Variants in MMP16 observed in about 807,000 individuals in gnomAD.
MMP16 encodes matrix metallopeptidase 16, also known as matrix metalloproteinase-16.
MMP16 carries 12 observed loss-of-function variants against 67.8 expected under a neutral mutation model. The ratio of observed to expected loss-of-function variants is 0.18; its 90% confidence interval spans 0.11 to 0.29. MMP16 has a LOEUF of 0.29. Ranked by LOEUF, MMP16 falls within the 10% of genes least tolerant of loss-of-function variation. The pLI, the probability that MMP16 is intolerant of heterozygous loss-of-function variation, is 1.00. For missense variants in MMP16, 475 were observed against 765.7 expected (o/e 0.62, Z 4.48); for synonymous variants, 249 against 255.9 (o/e 0.97, Z 0.26).
At chr8:88,289,643 C>T (rs1586001833) in intron 1 of MMP16, among the ~76,000 whole-genome samples, 2 of 151,146 alleles carry the variant, frequency 1.3e-5, no homozygotes, top group South Asian at 4.2e-4. Flanking sequence ...TGTACAGTTG[C>T]CGTGTACTCT....
At chr8:88,187,913 C>T (rs780360080) in intron 2 of MMP16, among the ~76,000 whole-genome samples, 5 of 152,164 alleles carry the variant, frequency 3.3e-5, no homozygotes, top group South Asian at 2.1e-4. Context: ...TTAAAGTCCA[C>T]GAATTAAAAA....
chr8:88,205,593 T>C (rs548097354), intron 1 of MMP16, among the ~76,000 whole-genome samples: 16 of 152,320 alleles, frequency 1.1e-4, no homozygotes, highest in African/African-American at 3.6e-4. Context: ...TGCTAGAGTA[T>C]TTCACTTACG....
At chr8:88,221,214 G>A (rs1809677225) in intron 1 of MMP16, among the ~76,000 whole-genome samples, 1 of 152,070 alleles carries the variant, frequency 6.6e-6, no homozygotes, top group African/African-American at 2.4e-5. Flanking sequence ...GTCCTAGACA[G>A]CCAGGCAGGT....
chr8:88,225,218 C>T (rs770469537), intron 1 of MMP16, among the ~76,000 whole-genome samples: 15 of 151,954 alleles, frequency 9.9e-5, no homozygotes, highest in Non-Finnish European at 1.9e-4. Context: ...TAAAAATGCA[C>T]TAAGAGAAAA....
intron 4 of MMP16, among the ~76,000 whole-genome samples, chr8:88,120,205 G>A (rs1807798400): frequency 6.6e-6 from 1 of 151,936 alleles, no homozygotes; most frequent in Admixed American, 6.6e-5. Flanking sequence ...ACAGAAGGAA[G>A]GAGGAAGTTA....
rs1019548153 is a variant in MMP16 at position 88,168,042 on chromosome 8, T to C, written c.405-69A>G. ...CTAACTTAGTACAGGTTTTGATCGA[T>C]TCAGTTAAGTAAAATATTAGAGAAA... is the stretch of plus-strand genomic sequence containing the variant. On this transcript the variant is annotated intron_variant, in intron 3 of 9. Transcript: ENST00000286614. 55 of 1,170,046 alleles carry C rather than the reference T, an allele frequency of 4.7e-5. 1 individual carries two copies. Among genetic ancestry groups the C allele is most frequent in the African/African-American group, 2.5e-4 (16 of 64,078 alleles). 72.5% of individuals were successfully genotyped at this position (1,170,046 alleles called of 1,614,324 possible).
Position 88,041,199 on chromosome 8 carries a change from C to T in MMP16, c.*262G>A. On this transcript the variant is annotated 3_prime_UTR_variant, in exon 10 of 10. Coordinates refer to ENST00000286614, the MANE Select transcript of MMP16 (RefSeq NM_005941.5). The surrounding 1 kb of genome is among the most constrained non-coding windows in gnomAD (Gnocchi z 6.0). ...TCCTGAAATTTTACTGGGCATTGAG[C>T]GTGCAGAGGAAAGGCCTAGAACTGA... The T allele has an allele frequency of 1.2e-5, 4 of 345,128 alleles. 1 individual carries two copies. Among genetic ancestry groups the T allele is most frequent in the South Asian group, 2.3e-4 (2 of 8,742 alleles). The allele number at this position is 345,128 out of a possible 1,614,324, so 21.4% of individuals were successfully genotyped here.
chr8:88,161,487 T>C (rs947316166), intron 4 of MMP16, among the ~76,000 whole-genome samples: 2 of 152,066 alleles, frequency 1.3e-5, no homozygotes, highest in African/African-American at 4.8e-5. Flanking sequence ...TTTGTTGATC[T>C]TTTCAAAAAA....
Position 88,189,434 on chromosome 8 carries a change from C to T in MMP16, c.282-2836G>A, listed in dbSNP as rs571484149. 2.6e-5 allele frequency among the ~76,000 whole-genome samples: 4 copies of T among 152,222 alleles called. No homozygotes were observed. In the South Asian group the frequency reaches 8.3e-4, roughly 32 times the overall value. ...GCCCACACTAGATATCCAGGTATAACCCTCCACTACTCTTTCCTCACATCC... is the reference window on the plus strand; with the variant it reads ...GCCCACACTAGATATCCAGGTATAATCCTCCACTACTCTTTCCTCACATCC... On this transcript the variant is annotated intron_variant, in intron 2 of 9. Transcript: ENST00000286614.
chr8:88,266,696 T>C (rs912867363), intron 1 of MMP16, among the ~76,000 whole-genome samples: 2 of 152,014 alleles, frequency 1.3e-5, no homozygotes, highest in Middle Eastern at 3.2e-3. Context: ...ATCTTCTTAG[T>C]AGCTTGTAAA....
chr8:88,183,593 G>A (rs1809017569), intron 3 of MMP16, among the ~76,000 whole-genome samples: 2 of 151,994 alleles, frequency 1.3e-5, no homozygotes, highest in African/African-American at 2.4e-5. Context: ...TAGAGGAGAG[G>A]TAGCAGATAC....
intron 4 of MMP16, among the ~76,000 whole-genome samples, chr8:88,128,597 G>C (rs1807974512): frequency 6.6e-6 from 1 of 151,676 alleles, no homozygotes; most frequent in Non-Finnish European, 1.5e-5. Context: ...TCTTTCTCTG[G>C]GATTTGGGAG....
At chr8:88,070,680 T>C (rs1808538099) in intron 7 of MMP16, among the ~76,000 whole-genome samples, 1 of 152,116 alleles carries the variant, frequency 6.6e-6, no homozygotes, top group African/African-American at 2.4e-5. Flanking sequence ...TCTTCTGAGC[T>C]CTGCCTTGGT....
At position 88,168,733 on chromosome 8, in the gene MMP16, A is replaced by AT. The variant is rs993404150; in HGVS notation, c.405-761dup. Among the ~76,000 whole-genome samples the AT allele has an allele frequency of 1.0e-3, 152 of 152,244 alleles. 2 individuals are homozygous for AT. The highest frequency in any genetic ancestry group is 3.4e-3 in the African/African-American group (143 of 41,558). ...CAACAAAAATGGAACTAGTATTTGT[A>AT]TTTTTTTATATTATAGCACTATAAA... On this transcript the variant is annotated intron_variant, in intron 3 of 9. Coordinates refer to ENST00000286614, the MANE Select transcript of MMP16 (RefSeq NM_005941.5).
intron 4 of MMP16, among the ~76,000 whole-genome samples, chr8:88,144,479 T>C (rs1808260250): frequency 6.6e-6 from 1 of 151,728 alleles, no homozygotes; most frequent in South Asian, 2.1e-4. Context: ...ATAATGTATA[T>C]TATGAAGGGA....
chr8:88,228,233 T>C (rs1320127335), intron 1 of MMP16, among the ~76,000 whole-genome samples: 3 of 152,132 alleles, frequency 2.0e-5, no homozygotes, highest in Non-Finnish European at 2.9e-5. Context: ...AGAGCTTTAA[T>C]TTGTTCATAC....
At chr8:88,283,306 C>G (rs1002483074) in intron 1 of MMP16, among the ~76,000 whole-genome samples, 1 of 152,130 alleles carries the variant, frequency 6.6e-6, no homozygotes, top group African/African-American at 2.4e-5. Context: ...ACAACTAAAA[C>G]AGAGTGTTAA....
At chr8:88,286,817 C>T (rs1244871792) in intron 1 of MMP16, among the ~76,000 whole-genome samples, 1 of 151,904 alleles carries the variant, frequency 6.6e-6, no homozygotes, top group Non-Finnish European at 1.5e-5. Flanking sequence ...GTGATCTGCC[C>T]ACCTCAGCCT....
intron 4 of MMP16, among the ~76,000 whole-genome samples, chr8:88,160,217 C>T (rs533458113): frequency 6.6e-5 from 10 of 151,918 alleles, no homozygotes; most frequent in African/African-American, 1.4e-4. Flanking sequence ...TGAGAACATG[C>T]GGTGTTTGGT....
Sources: allele counts gnomAD v4.1 joint callset (sites outside exome capture counted in the v4.1 genomes callset), GRCh38; gene constraint gnomAD v4.1.1; non-coding constraint Gnocchi (gnomAD v3.1); transcripts MANE v1.5; gene names NCBI Gene and HGNC (gene_info 2026-07-23, HGNC 2026-07-21).